LARP1: variants seen among roughly 807,000 people sequenced by gnomAD.
LARP1 encodes the protein la-related protein 1.
In LARP1, 36 loss-of-function variants were observed where a neutral mutation model predicts 122.7. That is an observed-to-expected ratio of 0.29 (90% CI 0.22 to 0.39). The LOEUF is 0.39. Among genes scored for constraint, LARP1 ranks in the 10% least tolerant of loss-of-function variants. The probability of loss-of-function intolerance (pLI) is 1.00; values close to 1 mark genes in which losing one functional copy is unlikely to be tolerated. For synonymous variants in LARP1, 539 were observed against 528.7 expected (o/e 1.02, Z -0.27); for missense variants, 1,040 against 1,403.6 (o/e 0.74, Z 4.14).
At chr5:154,715,982 G>A (rs1004420431) in intron 1 of LARP1, among the ~76,000 whole-genome samples, 3 of 152,160 alleles carry the variant, frequency 2.0e-5, no homozygotes, top group African/African-American at 7.2e-5. Flanking sequence ...CAGACAAGCA[G>A]TGGCAGAACT....
At chr5:154,737,500 G>A (rs1476991535) in intron 1 of LARP1, among the ~76,000 whole-genome samples, 3 of 139,834 alleles carry the variant, frequency 2.1e-5, no homozygotes, top group African/African-American at 8.2e-5. Flanking sequence ...GGAGTGCAGC[G>A]GTGAGATCTC....
At chr5:154,774,017 T>C (rs1342849666) in intron 1 of LARP1, among the ~76,000 whole-genome samples, 1 of 151,970 alleles carries the variant, frequency 6.6e-6, no homozygotes, top group East Asian at 1.9e-4. Context: ...AAGAACGTCA[T>C]GCAGGTTTGA....
Position 154,755,985 on chromosome 5 carries a change from G to A in LARP1, c.228G>A (p.Pro76=). The A allele has an allele frequency of 9.9e-7, 1 of 1,005,560 alleles. No individual in the cohort carries two copies. The highest frequency in any genetic ancestry group is 1.2e-6 in the Non-Finnish European group (1 of 845,170). 62.3% of individuals were successfully genotyped at this position (1,005,560 alleles called of 1,614,324 possible). Residue 76 remains proline, a synonymous_variant, in exon 1 of 19, where the codon CCG becomes CCA. Transcript: ENST00000518297. ...EGTGQQERES[P]RPLQLPGAEG... ...CCGGGCAGCAGGAGCGCGAGAGCCC[G>A]CGGCCGCTGCAGCTGCCCGGCGCCG...
At chr5:154,697,039 G>A (rs1343571475) in intron 1 of LARP1, among the ~76,000 whole-genome samples, 1 of 152,108 alleles carries the variant, frequency 6.6e-6, no homozygotes, top group African/African-American at 2.4e-5. Context: ...GAGGAGCAGA[G>A]AGTTGACTTT....
intron 8 of LARP1, among the ~76,000 whole-genome samples, chr5:154,795,943 TTA>T (rs1221035210): frequency 8.6e-6 from 1 of 115,960 alleles, no homozygotes; most frequent in Non-Finnish European, 1.7e-5. Flanking sequence ...TATTATATAT[TTA>T]TATATTATAT....
chr5:154,746,506 T>C (rs1462274038), intron 1 of LARP1, among the ~76,000 whole-genome samples: 1 of 152,254 alleles, frequency 6.6e-6, no homozygotes, highest in Non-Finnish European at 1.5e-5. Flanking sequence ...ATACTATCTG[T>C]GTCTCTTGTG....
At chr5:154,762,901 G>T (rs190298232) in intron 1 of LARP1, among the ~76,000 whole-genome samples, 130 of 152,188 alleles carry the variant, frequency 8.5e-4, no homozygotes, top group African/African-American at 3.0e-3. Flanking sequence ...TAGAGATAGG[G>T]CTCTGTATGG....
At chr5:154,700,930 C>T (rs1420285598) in intron 1 of LARP1, among the ~76,000 whole-genome samples, 1 of 151,990 alleles carries the variant, frequency 6.6e-6, no homozygotes, top group South Asian at 2.1e-4. Context: ...CTGCACTCCA[C>T]ACTCCAGCCT....
chr5:154,797,221 GTTTTTTTTTTTTTTTTT>G (rs1158010359), intron 8 of LARP1, among the ~76,000 whole-genome samples: 2 of 29,750 alleles, frequency 6.7e-5, no homozygotes, highest in African/African-American at 1.0e-4. Context: ...TGTTGTTGTT[GTTTTTTTTTTTTTTTTT>G]TTTTTTTTTT....
chr5:154,721,496 A>G (rs1755867131), intron 1 of LARP1, among the ~76,000 whole-genome samples: 2 of 152,038 alleles, frequency 1.3e-5, no homozygotes, highest in Non-Finnish European at 2.9e-5. Context: ...TACCGTTACC[A>G]TTTGGTGGCA....
Position 154,803,770 on chromosome 5 carries a change from CAG to C in LARP1, c.2439+28_2439+29del. The C allele has an allele frequency of 1.9e-6, 3 of 1,607,594 alleles. No individual in the cohort carries two copies. Among genetic ancestry groups the C allele is most frequent in the African/African-American group, 2.7e-5 (2 of 74,902 alleles). On this transcript the variant is annotated intron_variant, in intron 13 of 18. Coordinates refer to ENST00000518297, the MANE Select transcript of LARP1 (RefSeq NM_033551.3). The surrounding 1 kb of genome is among the most constrained non-coding windows in gnomAD (Gnocchi z 4.4). ...GGTGAGGCATTCCTGTCGGGCTGCT[CAG>C]AGTCTTGGGTCTACTTCATTGCATT...
At chr5:154,736,552 A>ATTTATTTG (rs1756912644) in intron 1 of LARP1, among the ~76,000 whole-genome samples, 1 of 147,282 alleles carries the variant, frequency 6.8e-6, no homozygotes, top group African/African-American at 2.5e-5. Flanking sequence ...TTATTTATTT[A>ATTTATTTG]TTTATTTATT....
intron 1 of LARP1, among the ~76,000 whole-genome samples, chr5:154,721,465 A>G (rs1755864160): frequency 6.6e-6 from 1 of 152,266 alleles, no homozygotes; most frequent in East Asian, 1.9e-4. Context: ...CGAGGCTGAA[A>G]GAAGTGAAGG....
chr5:154,723,830 G>T (rs6580112), intron 1 of LARP1, among the ~76,000 whole-genome samples: 114,832 of 151,466 alleles, frequency 0.76, 44,013 homozygotes, highest in African/African-American at 0.89. Flanking sequence ...TGGACTTGTT[G>T]CGGAACAAGT....
chr5:154,769,498 A>G (rs1312831840), intron 1 of LARP1, among the ~76,000 whole-genome samples: 1 of 152,234 alleles, frequency 6.6e-6, no homozygotes, highest in African/African-American at 2.4e-5. Context: ...GTCTTAGGGT[A>G]GGAGTTGCAC....
chr5:154,756,456 T>G (rs960499), intron 1 of LARP1: 1 of 987,502 alleles, frequency 1.0e-6, no homozygotes, highest in Non-Finnish European at 1.2e-6. Context: ...ACGGTGTGGT[T>G]CGGGCCTACC....
intron 1 of LARP1, among the ~76,000 whole-genome samples, chr5:154,700,896 G>T (rs1468766127): frequency 1.3e-5 from 2 of 152,132 alleles, no homozygotes; most frequent in Admixed American, 6.5e-5. Context: ...GGCAGAAACT[G>T]CAGTGGGAGC....
Position 154,803,495 on chromosome 5 carries a change from C to T in LARP1, c.2234-45C>T. The stretch of plus-strand genomic sequence containing the variant: ...CTGGGGGCTATCCTGGGGTGGATGC[C>T]ACAGGCCTTTCCCTGCTTCCTGACT... On this transcript the variant is annotated intron_variant, in intron 12 of 18. Coordinates refer to ENST00000518297, the MANE Select transcript of LARP1 (RefSeq NM_033551.3). The surrounding 1 kb of genome is among the most constrained non-coding windows in gnomAD (Gnocchi z 4.4). The T allele has an allele frequency of 6.2e-7, 1 of 1,613,990 alleles. No individual in the cohort carries two copies. The highest frequency in any genetic ancestry group is 8.5e-7 in the Non-Finnish European group (1 of 1,179,944).
At chr5:154,698,317 C>T (rs1218693722) in intron 1 of LARP1, among the ~76,000 whole-genome samples, 3 of 152,084 alleles carry the variant, frequency 2.0e-5, no homozygotes, top group Non-Finnish European at 4.4e-5. Flanking sequence ...TATTGTATGG[C>T]GGGGCACTGT....
Sources: gnomAD v4.1 joint callset for allele counts (sites outside exome capture counted in the v4.1 genomes callset) on GRCh38, gnomAD v4.1.1 for gene constraint, Gnocchi (gnomAD v3.1) non-coding constraint, MANE v1.5 for transcripts, NCBI Gene and HGNC (gene_info 2026-07-23, HGNC 2026-07-21) for gene names.